The following ERC2 variants were observed in gnomAD, a reference collection of about 807,000 sequenced individuals.
ERC2 encodes the protein ERC protein 2.
A neutral mutation model predicts 114.8 loss-of-function variants in ERC2; 42 were observed. The ratio of observed to expected loss-of-function variants is 0.37; its 90% CI spans 0.29 to 0.47. The LOEUF (loss-of-function observed/expected upper bound fraction) is 0.47, where lower values mean the gene tolerates loss of function less well. Ranked by LOEUF, ERC2 falls within the 20% of genes least tolerant of loss-of-function variation. ERC2 has a pLI of 0.99. For synonymous variants in ERC2, 454 were observed against 425.5 expected (o/e 1.07, Z -0.82); for missense variants, 939 against 1,150.7 (o/e 0.82, Z 2.66).
intron 5 of ERC2, among the ~76,000 whole-genome samples, chr3:56,144,082 T>A (rs1319404016): frequency 6.6e-6 from 1 of 152,184 alleles, no homozygotes; most frequent in Non-Finnish European, 1.5e-5. Flanking sequence ...TTGAGAAGGA[T>A]CCTAAGTATG....
intron 10 of ERC2, among the ~76,000 whole-genome samples, chr3:56,000,195 C>T (rs932405586): frequency 1.3e-5 from 2 of 151,896 alleles, no homozygotes; most frequent in Non-Finnish European, 2.9e-5. Context: ...CACCTCTCAA[C>T]ATGAATAAAA....
chr3:56,158,037 G>T (rs184073475), intron 4 of ERC2, among the ~76,000 whole-genome samples: 5 of 152,100 alleles, frequency 3.3e-5, no homozygotes, highest in Admixed American at 3.3e-4. Flanking sequence ...GCCTGGGCAG[G>T]GCTGGCCAAG....
intron 7 of ERC2, among the ~76,000 whole-genome samples, chr3:56,040,532 T>C (rs1269397445): frequency 1.4e-5 from 2 of 146,440 alleles, no homozygotes; most frequent in African/African-American, 2.5e-5. Context: ...GGGAGATATA[T>C]AGATACATAT....
chr3:55,520,774 T>C (rs1436940885), intron 17 of ERC2, among the ~76,000 whole-genome samples: 1 of 152,194 alleles, frequency 6.6e-6, no homozygotes. Context: ...GATGGCATTT[T>C]CAAATTCCAA....
chr3:56,167,786 G>C (rs998380511), intron 4 of ERC2, among the ~76,000 whole-genome samples: 1 of 152,126 alleles, frequency 6.6e-6, no homozygotes. Context: ...AAAGACTTCA[G>C]AGCAAGACTT....
chr3:55,960,830 G>T (rs2068305460), intron 12 of ERC2, among the ~76,000 whole-genome samples: 1 of 151,822 alleles, frequency 6.6e-6, no homozygotes, highest in South Asian at 2.1e-4. Context: ...GATCTCCACT[G>T]CCTGTAAAAC....
chr3:56,038,444 T>C lies in ERC2; in HGVS notation c.1642-19413A>G, dbSNP rs571818669. On this transcript the variant is annotated intron_variant, in intron 7 of 17. Transcript: ENST00000288221. The stretch of plus-strand genomic sequence containing the variant: ...AAAATCAAGAAACAACAGATGCTGG[T>C]GAGGCTGTAAAGAAAGAGGAATGCT... Among the ~76,000 whole-genome samples the C allele has an allele frequency of 7.2e-4, 110 of 152,222 alleles. 1 individual carries two copies. The highest frequency in any genetic ancestry group is 2.6e-3 in the African/African-American group (109 of 41,540).
At position 55,845,305 on chromosome 3, in the gene ERC2, C is replaced by T. The variant is rs189461414; in HGVS notation, c.2564+43084G>A. On this transcript the variant is annotated intron_variant, in intron 14 of 17. Coordinates refer to ENST00000288221, the MANE Select transcript of ERC2 (RefSeq NM_015576.3). Reference sequence around the variant, plus strand: ...GGATCACGAGGTCAGGAGATCGAGACCATCCCGGCTAAAACGGTGAAACCC... The same window carrying T: ...GGATCACGAGGTCAGGAGATCGAGATCATCCCGGCTAAAACGGTGAAACCC... Among the ~76,000 whole-genome samples the T allele has an allele frequency of 2.9e-3, 446 of 152,044 alleles. 4 individuals are homozygous for T. The highest frequency in any genetic ancestry group is 0.01 in the African/African-American group (424 of 41,426).
At chr3:56,043,486 G>A (rs1165946359) in intron 7 of ERC2, among the ~76,000 whole-genome samples, 1 of 151,018 alleles carries the variant, frequency 6.6e-6, no homozygotes, top group Admixed American at 6.6e-5. Context: ...TCTGACATCA[G>A]AAAAATTGGA....
At chr3:56,015,013 C>A (rs1418605089) in intron 8 of ERC2, among the ~76,000 whole-genome samples, 1 of 151,980 alleles carries the variant, frequency 6.6e-6, no homozygotes, top group Non-Finnish European at 1.5e-5. Context: ...TAATTTAATC[C>A]TGAAGTTATA....
At chr3:55,593,007 C>A (rs2057969126) in intron 17 of ERC2, among the ~76,000 whole-genome samples, 1 of 152,206 alleles carries the variant, frequency 6.6e-6, no homozygotes, top group African/African-American at 2.4e-5. Flanking sequence ...TCTATGAGCA[C>A]CTATTGTGTG....
chr3:55,762,696 T>TG (rs1276591314), intron 14 of ERC2, among the ~76,000 whole-genome samples: 1 of 152,172 alleles, frequency 6.6e-6, no homozygotes, highest in African/African-American at 2.4e-5. Flanking sequence ...GACAGACCCA[T>TG]GCACTCAGAT....
intron 2 of ERC2, among the ~76,000 whole-genome samples, chr3:56,383,678 G>T (rs919809900): frequency 3.3e-5 from 5 of 151,882 alleles, no homozygotes; most frequent in African/African-American, 1.2e-4. Context: ...TTTTTTAATT[G>T]TGATAAGATA....
At chr3:55,692,020 C>T (rs1475724882) in intron 16 of ERC2, among the ~76,000 whole-genome samples, 1 of 152,112 alleles carries the variant, frequency 6.6e-6, no homozygotes, top group Non-Finnish European at 1.5e-5. Flanking sequence ...AACCTCAAAA[C>T]ATAAAATAAA....
chr3:56,124,143 C>T (rs2079745540), intron 6 of ERC2, among the ~76,000 whole-genome samples: 2 of 152,236 alleles, frequency 1.3e-5, no homozygotes, highest in East Asian at 3.9e-4. Flanking sequence ...TGATATGCTG[C>T]TATTATTTTA....
chr3:55,764,935 G>C (rs918576815), intron 14 of ERC2, among the ~76,000 whole-genome samples: 2 of 152,044 alleles, frequency 1.3e-5, no homozygotes, highest in African/African-American at 4.8e-5. Context: ...TCTTTTTTTG[G>C]CAATACATAG....
chr3:55,589,407 T>G (rs1350874574), intron 17 of ERC2, among the ~76,000 whole-genome samples: 1 of 152,102 alleles, frequency 6.6e-6, no homozygotes, highest in Non-Finnish European at 1.5e-5. Context: ...CACGTGACGG[T>G]CATTTGGCAG....
At chr3:56,228,629 C>A (rs986475789) in intron 3 of ERC2, among the ~76,000 whole-genome samples, 1 of 152,158 alleles carries the variant, frequency 6.6e-6, no homozygotes, top group South Asian at 2.1e-4. Context: ...TTGCATCTAC[C>A]TGTTGGCTAC....
chr3:55,545,427 C>T (rs1017223028), intron 17 of ERC2, among the ~76,000 whole-genome samples: 5 of 152,172 alleles, frequency 3.3e-5, no homozygotes, highest in East Asian at 1.9e-4. Flanking sequence ...TGCAGAGCGG[C>T]GGAAGGTGTG....
Sources: gnomAD v4.1 joint callset for allele counts (sites outside exome capture counted in the v4.1 genomes callset) on GRCh38, gnomAD v4.1.1 for gene constraint, MANE v1.5 for transcripts, NCBI Gene and HGNC (gene_info 2026-07-23, HGNC 2026-07-21) for gene names.